The following CHD1 variants were observed in gnomAD, a reference collection of about 807,000 sequenced individuals.
CHD1 encodes the protein chromodomain helicase DNA binding protein 1, also known as ATP-dependent chromatin remodeler CHD1.
CHD1 carries 36 observed loss-of-function variants against 224.2 expected under a neutral mutation model. The ratio of observed to expected loss-of-function variants is 0.16; its 90% CI spans 0.12 to 0.21. CHD1 has a LOEUF of 0.21. Among genes scored for constraint, CHD1 ranks in the 10% least tolerant of loss-of-function variants. The probability of loss-of-function intolerance (pLI) is 1.00; values close to 1 mark genes in which losing one functional copy is unlikely to be tolerated. For synonymous variants in CHD1, 668 were observed against 658.3 expected, an observed-to-expected ratio of 1.01 and a Z score of -0.23; for missense variants, 1,378 against 1,994.8, an observed-to-expected ratio of 0.69 and a Z score of 5.89.
chr5:98,913,704 A>G (rs746505097), intron 2 of CHD1, among the ~76,000 whole-genome samples: 4 of 152,220 alleles, frequency 2.6e-5, no homozygotes, highest in Non-Finnish European at 4.4e-5. Flanking sequence ...TAATTATTTA[A>G]TAAAAAAAGG....
At chr5:98,859,404 T>C (rs1473217192) in intron 33 of CHD1, among the ~76,000 whole-genome samples, 1 of 152,142 alleles carries the variant, frequency 6.6e-6, no homozygotes, top group African/African-American at 2.4e-5. Context: ...TTTCCACTAA[T>C]GTTCTTTATC....
chr5:98,882,179 C>T, intron 19 of CHD1, 56 bp from the exon 20 acceptor site: 2 of 1,459,042 alleles, frequency 1.4e-6, no homozygotes, highest in Non-Finnish European at 1.9e-6. Context: ...GTTTTGCTAA[C>T]CTCAAGTGCC....
chr5:98,857,089 G>A (rs909283870), intron 35 of CHD1, among the ~76,000 whole-genome samples: 2 of 152,032 alleles, frequency 1.3e-5, no homozygotes, highest in Non-Finnish European at 2.9e-5. Context: ...CCTGAGACCA[G>A]AGCCTTTTAC....
At chr5:98,885,746 T>C in intron 17 of CHD1, 97 bp from the exon 18 acceptor site, 2 of 742,222 alleles carry the variant, frequency 2.7e-6, no homozygotes, top group Non-Finnish European at 4.6e-6. Context: ...GTGAAGCATG[T>C]CCTTTGCTAA....
In CHD1 at chr5:98,922,331, T is replaced by C. The variant is rs138835251; in HGVS notation, c.53+4003A>G. Among the ~76,000 whole-genome samples the C allele has an allele frequency of 3.2e-3, 487 of 152,328 alleles. 4 individuals carry two copies. Among genetic ancestry groups the C allele is most frequent in the African/African-American group, 0.011 (459 of 41,574 alleles). On this transcript the variant is annotated intron_variant, in intron 2 of 35. Coordinates refer to ENST00000614616, the MANE Select transcript of CHD1 (RefSeq NM_001270.4). ...ACTTTGTGTTGAGCTGTAACTGTTATACAGGTGCATCCTGGCCCACATTTC... is the reference window on the plus strand; with the variant it reads ...ACTTTGTGTTGAGCTGTAACTGTTACACAGGTGCATCCTGGCCCACATTTC...
chr5:98,922,165 A>C (rs1027849141), intron 2 of CHD1, among the ~76,000 whole-genome samples: 1 of 152,084 alleles, frequency 6.6e-6, no homozygotes, highest in Non-Finnish European at 1.5e-5. Context: ...AAAAAAAACA[A>C]ACCACACACA....
chr5:98,870,580 C>A, intron 29 of CHD1, 107 bp downstream of exon 29: 1 of 525,688 alleles, frequency 1.9e-6, no homozygotes, highest in South Asian at 4.6e-5. Flanking sequence ...ACAGAAAAAT[C>A]CATTTATATA....
chr5:98,880,022 T>C (rs1306725631), intron 22 of CHD1, among the ~76,000 whole-genome samples: 1 of 152,216 alleles, frequency 6.6e-6, no homozygotes, highest in Non-Finnish European at 1.5e-5. Context: ...TAATTTATAC[T>C]ATTAACATGC....
chr5:98,883,826 AATATAT>A lies in CHD1; in HGVS notation c.2569-595_2569-590del, dbSNP rs200375047. 2.4e-3 allele frequency: 144 copies of A among 59,106 alleles called. 3 individuals are homozygous for A. The highest frequency in any genetic ancestry group is 0.018 in the East Asian group (22 of 1,206). 3.7% of individuals were successfully genotyped at this position (59,106 alleles called of 1,614,324 possible). On this transcript the variant is annotated intron_variant, in intron 18 of 35. Transcript: ENST00000614616. ...GCAACCTAGATGGGATTGGAGACTA[AATATAT>A]ATATATATATATATATATATATATA...
At chr5:98,898,956 G>A (rs1751514495) in intron 8 of CHD1, among the ~76,000 whole-genome samples, 192 bp from the exon 9 acceptor site, 1 of 152,098 alleles carries the variant, frequency 6.6e-6, no homozygotes, top group African/African-American at 2.4e-5. Context: ...AATTTATAAT[G>A]TATGAGACAC....
chr5:98,906,526 T>C (rs987394517), intron 2 of CHD1, among the ~76,000 whole-genome samples: 2 of 152,228 alleles, frequency 1.3e-5, no homozygotes, highest in Non-Finnish European at 2.9e-5. Flanking sequence ...AGAACTATCA[T>C]GTGTTAGGCA....
chr5:98,869,606 G>T, intron 30 of CHD1, 148 bp downstream of exon 30: 1 of 739,360 alleles, frequency 1.4e-6, no homozygotes, highest in Non-Finnish European at 2.1e-6. Flanking sequence ...CTATAAGTGC[G>T]TGCGCACGTG....
chr5:98,881,501 G>C lies in CHD1; in HGVS notation c.2868-126C>G, dbSNP rs998812162. On this transcript the variant is annotated intron_variant, in intron 20 of 35. Coordinates refer to ENST00000614616, the MANE Select transcript of CHD1 (RefSeq NM_001270.4). ...TACATGAAGAAGTTAGACAAATCAA[G>C]TATTAGAATCCTTTTTTTTTTTTTT... 25 of 513,394 alleles carry C rather than the reference G, an allele frequency of 4.9e-5. No individual in the cohort carries two copies. The African/African-American group carries it at 4.9e-4, about 10-fold the overall frequency. 31.8% of individuals were successfully genotyped at this position (513,394 alleles called of 1,614,324 possible).
intron 5 of CHD1, among the ~76,000 whole-genome samples, chr5:98,902,461 C>A (rs1257111916): frequency 3.3e-5 from 5 of 151,990 alleles, no homozygotes; most frequent in African/African-American, 1.2e-4. Context: ...GGGTCCAGAT[C>A]TTTAGGAAAT....
intron 18 of CHD1, among the ~76,000 whole-genome samples, chr5:98,884,071 G>GT (rs1282122593): frequency 7.0e-6 from 1 of 142,274 alleles, no homozygotes; most frequent in African/African-American, 2.6e-5. Context: ...CTAACTCTTT[G>GT]TTTTTTGTTT....
chr5:98,882,142 G>T lies in CHD1; in HGVS notation c.2719-19C>A. The T allele has an allele frequency of 6.2e-7, 1 of 1,604,984 alleles. No homozygotes were observed. Among genetic ancestry groups the T allele is most frequent in the Non-Finnish European group, 8.5e-7 (1 of 1,175,904 alleles). On this transcript the variant is annotated intron_variant, in intron 19 of 35. Coordinates refer to ENST00000614616, the MANE Select transcript of CHD1 (RefSeq NM_001270.4). ...TATTCACCTGTAAAAATACACATGA[G>T]GAAACAAATTGCAGTATAAAGGATT...
At chr5:98,913,174 T>C (rs1478777549) in intron 2 of CHD1, among the ~76,000 whole-genome samples, 3 of 152,126 alleles carry the variant, frequency 2.0e-5, no homozygotes, top group Non-Finnish European at 4.4e-5. Context: ...GTCAATGTCA[T>C]TCGAAAGAGC....
chr5:98,888,985 A>AT (rs1440245618), intron 16 of CHD1, 91 bp downstream of exon 16: 2 of 776,608 alleles, frequency 2.6e-6, no homozygotes, highest in Non-Finnish European at 3.9e-6. Context: ...CTTTTATCCA[A>AT]TAAGTTAAAG....
intron 26 of CHD1, 104 bp downstream of exon 26, chr5:98,873,489 G>A (rs1390868366): frequency 1.2e-5 from 11 of 881,464 alleles, no homozygotes; most frequent in Non-Finnish European, 1.7e-5. Context: ...ATAACCTTTT[G>A]AGACTGATGA....
Sources: allele counts gnomAD v4.1 joint callset (sites outside exome capture counted in the v4.1 genomes callset), GRCh38; gene constraint gnomAD v4.1.1; transcripts MANE v1.5; gene names NCBI Gene and HGNC (gene_info 2026-07-23, HGNC 2026-07-21).